Variants in DNAH14 observed in about 807,000 individuals in gnomAD.
DNAH14 encodes axonemal beta dynein heavy chain 14.
A neutral mutation model predicts 520.9 loss-of-function variants in DNAH14; 478 were observed. The ratio of observed to expected loss-of-function variants is 0.92; its 90% confidence interval spans 0.85 to 0.99. DNAH14 has a LOEUF of 0.99. Among genes scored for constraint, DNAH14 ranks in the 50% least tolerant of loss-of-function variants. The pLI, the probability that DNAH14 is intolerant of heterozygous loss-of-function variation, is 0.00. For missense variants in DNAH14, 4,831 were observed against 5,234.5 expected (o/e 0.92, Z 2.38); for synonymous variants, 1,581 against 1,757.2 (o/e 0.90, Z 2.51).
chr1:224,961,094 T>C (rs2060815210), intron 4 of DNAH14: 2 of 152,164 alleles, frequency 1.3e-5, no homozygotes, highest in Non-Finnish European at 2.9e-5. Context: ...GGACTTGTTC[T>C]AGAGTCTCTC....
intron 81 of DNAH14, among the ~76,000 whole-genome samples, chr1:225,382,876 G>A (rs1449481079): frequency 1.3e-5 from 2 of 152,196 alleles, no homozygotes; most frequent in Non-Finnish European, 2.9e-5. Flanking sequence ...CAAAATGAAT[G>A]AAGTACTGAT....
At chr1:225,305,626 C>T (rs189432099) in intron 58 of DNAH14, among the ~76,000 whole-genome samples, 19 of 152,292 alleles carry the variant, frequency 1.2e-4, no homozygotes, top group African/African-American at 3.8e-4. Context: ...CTGGTAGCAT[C>T]TACTCACAAG....
At chr1:225,169,144 G>C (rs747367899) in intron 36 of DNAH14, among the ~76,000 whole-genome samples, 1 of 152,146 alleles carries the variant, frequency 6.6e-6, no homozygotes, top group Non-Finnish European at 1.5e-5. Context: ...AACTCCATCT[G>C]TACATCACCA....
At chr1:225,269,131 A>G (rs1419380850) in intron 49 of DNAH14, among the ~76,000 whole-genome samples, 2 of 152,204 alleles carry the variant, frequency 1.3e-5, no homozygotes, top group Non-Finnish European at 2.9e-5. Flanking sequence ...CACAACAGAG[A>G]TATAGACCAA....
rs139543568 is a variant in DNAH14 at position 225,371,566 on chromosome 1, T to C, written c.12319-3122T>C. On this transcript the variant is annotated intron_variant, in intron 77 of 85. Coordinates refer to ENST00000682510, the MANE Select transcript of DNAH14 (RefSeq NM_001367479.1). ...CTGTCATTCAACAGTGTCTTAGAATTTCTAGTAAATTCAATGAGATAAAAT... is the reference window on the plus strand; with the variant it reads ...CTGTCATTCAACAGTGTCTTAGAATCTCTAGTAAATTCAATGAGATAAAAT... 9.5e-4 allele frequency among the ~76,000 whole-genome samples: 145 copies of C among 152,260 alleles called. 2 individuals carry two copies. The East Asian group carries it at 0.023, about 24-fold the overall frequency.
At chr1:225,012,238 G>T (rs188887838) in intron 10 of DNAH14, among the ~76,000 whole-genome samples, 4 of 152,198 alleles carry the variant, frequency 2.6e-5, no homozygotes, top group African/African-American at 9.6e-5. Context: ...ATGAAATTCT[G>T]GGTTGAAAAT....
At chr1:225,330,141 G>T (rs1177823873) in intron 64 of DNAH14, among the ~76,000 whole-genome samples, 1 of 152,082 alleles carries the variant, frequency 6.6e-6, no homozygotes. Context: ...TTATCCAAAA[G>T]ACAGGCAATA....
At chr1:225,291,596 G>C (rs1021336239) in intron 55 of DNAH14, among the ~76,000 whole-genome samples, 5 of 151,920 alleles carry the variant, frequency 3.3e-5, no homozygotes, top group Non-Finnish European at 5.9e-5. Context: ...TTTTTGTAGA[G>C]GCGGGGTCTC....
chr1:225,023,091 G>A (rs975839229), intron 10 of DNAH14, among the ~76,000 whole-genome samples: 4 of 152,062 alleles, frequency 2.6e-5, no homozygotes, highest in Admixed American at 2.0e-4. Context: ...ACTGCTTGAG[G>A]GAGGAGGGTG....
At chr1:225,229,740 G>A (rs1250336954) in intron 41 of DNAH14, among the ~76,000 whole-genome samples, 1 of 151,920 alleles carries the variant, frequency 6.6e-6, no homozygotes, top group East Asian at 1.9e-4. Flanking sequence ...GGCACAAGGG[G>A]GGAACATCAT....
At chr1:225,038,620 G>C in intron 11 of DNAH14, 74 bp from the exon 12 acceptor site, 1 of 1,407,576 alleles carries the variant, frequency 7.1e-7, no homozygotes, top group Non-Finnish European at 9.4e-7. Flanking sequence ...TTGTTGTTGA[G>C]TTGTAGGTGT....
intron 36 of DNAH14, among the ~76,000 whole-genome samples, chr1:225,175,608 T>G (rs990135007): frequency 6.6e-6 from 1 of 151,900 alleles, no homozygotes; most frequent in Non-Finnish European, 1.5e-5. Context: ...ATCTTTTGTA[T>G]TTTTTACTCC....
At chr1:225,169,292 C>G (rs1271099427) in intron 36 of DNAH14, among the ~76,000 whole-genome samples, 3 of 152,160 alleles carry the variant, frequency 2.0e-5, no homozygotes, top group Admixed American at 1.3e-4. Flanking sequence ...CAAAGCTGGA[C>G]AGAGAATGAC....
At chr1:224,970,891 CA>C in intron 7 of DNAH14, among the ~76,000 whole-genome samples, 1 of 152,204 alleles carries the variant, frequency 6.6e-6, no homozygotes, top group Non-Finnish European at 1.5e-5. Flanking sequence ...TGTTAAGAAC[CA>C]GGCATTATTC....
intron 58 of DNAH14, 96 bp downstream of exon 58, chr1:225,305,185 T>G (rs1186431253): frequency 7.4e-7 from 1 of 1,355,968 alleles, no homozygotes; most frequent in Non-Finnish European, 9.9e-7. Context: ...AAATCTGCCT[T>G]TTTGGTGGGA....
At chr1:224,930,116 G>A (rs1200294458) in intron 1 of DNAH14, among the ~76,000 whole-genome samples, 3 of 152,204 alleles carry the variant, frequency 2.0e-5, no homozygotes, top group African/African-American at 7.2e-5. Context: ...GGCAGGCCGC[G>A]TTCCCTTCTA....
chr1:225,076,426 A>G (rs184739458), intron 17 of DNAH14, among the ~76,000 whole-genome samples: 75 of 152,286 alleles, frequency 4.9e-4, no homozygotes, highest in Non-Finnish European at 8.2e-4. Flanking sequence ...CTACATGCAG[A>G]TATTGTCATC....
At chr1:225,244,898 ATTT>A (rs1430812633) in intron 43 of DNAH14, among the ~76,000 whole-genome samples, 1 of 151,764 alleles carries the variant, frequency 6.6e-6, no homozygotes, top group East Asian at 1.9e-4. Context: ...TAGCTTTTGA[ATTT>A]GTTTGCTCTT....
At chr1:225,275,290 A>G (rs2093439732) in intron 52 of DNAH14, among the ~76,000 whole-genome samples, 2 of 152,200 alleles carry the variant, frequency 1.3e-5, no homozygotes, top group South Asian at 4.1e-4. Flanking sequence ...GCCTCCAAGC[A>G]CATTACAACC....
Sources: allele counts gnomAD v4.1 joint callset (sites outside exome capture counted in the v4.1 genomes callset), GRCh38; gene constraint gnomAD v4.1.1; transcripts MANE v1.5; gene names NCBI Gene and HGNC (gene_info 2026-07-23, HGNC 2026-07-21).